ADAMTSL1: variants seen among roughly 807,000 people sequenced by gnomAD.
The protein encoded by ADAMTSL1 is ADAMTS-like protein 1.
ADAMTSL1 carries 126 observed loss-of-function variants against 201.8 expected under a neutral mutation model. That is an observed-to-expected ratio of 0.62 (90% confidence interval 0.54 to 0.72). The LOEUF (loss-of-function observed/expected upper bound fraction) is 0.72. Ranked by LOEUF, ADAMTSL1 falls within the 30% of genes least tolerant of loss-of-function variation. The pLI is 0.00. For synonymous variants in ADAMTSL1, 1,121 were observed against 903.4 expected (o/e 1.24, Z -4.32); for missense variants, 2,679 against 2,277.8 (o/e 1.18, Z -3.59).
chr9:18,626,392 G>A (rs889517825), intron 5 of ADAMTSL1, among the ~76,000 whole-genome samples: 1 of 152,180 alleles, frequency 6.6e-6, no homozygotes, highest in Non-Finnish European at 1.5e-5. Context: ...TCTAAGGGAA[G>A]TGAAAAGGGG....
chr9:18,753,553 G>A lies in ADAMTSL1; in HGVS notation c.2217+45G>A, dbSNP rs528203711. ...AATATTGGAGCTTTTGTTTGCAACAGTGACTCAAAAAAGGGATGCTCTCTC... is the reference window on the plus strand; with the variant it reads ...AATATTGGAGCTTTTGTTTGCAACAATGACTCAAAAAAGGGATGCTCTCTC... On this transcript the variant is annotated intron_variant, in intron 16 of 28. Coordinates refer to ENST00000380548, the MANE Select transcript of ADAMTSL1 (RefSeq NM_001040272.6). 5 of 1,565,278 alleles carry A rather than the reference G, an allele frequency of 3.2e-6. No homozygotes were observed. In the East Asian group the frequency reaches 1.2e-4, roughly 37 times the overall value.
At chr9:18,708,201 C>T (rs765566526) in intron 14 of ADAMTSL1, among the ~76,000 whole-genome samples, 13 of 152,124 alleles carry the variant, frequency 8.5e-5, no homozygotes, top group Admixed American at 3.9e-4. Context: ...TGATTGAGAA[C>T]GTAAGAATAA....
chr9:18,242,402 T>A (rs1831105881), intron 2 of ADAMTSL1, among the ~76,000 whole-genome samples: 1 of 152,100 alleles, frequency 6.6e-6, no homozygotes, highest in African/African-American at 2.4e-5. Flanking sequence ...ACCGCTAACA[T>A]TAGAATCAAT....
At chr9:18,104,545 C>A (rs190189626) in intron 1 of ADAMTSL1, among the ~76,000 whole-genome samples, 1 of 151,964 alleles carries the variant, frequency 6.6e-6, no homozygotes, top group Non-Finnish European at 1.5e-5. Flanking sequence ...AGTAGGTACA[C>A]GTGGACATAG....
chr9:18,533,147 G>A, intron 2 of ADAMTSL1, 100 bp from the exon 3 acceptor site: 1 of 800,414 alleles, frequency 1.2e-6, no homozygotes, highest in East Asian at 2.7e-5. Flanking sequence ...GAAAAGAGAG[G>A]CCCTTTTACT....
At chr9:18,161,910 A>C in intron 1 of ADAMTSL1, among the ~76,000 whole-genome samples, 1 of 152,056 alleles carries the variant, frequency 6.6e-6, no homozygotes, top group Non-Finnish European at 1.5e-5. Context: ...GTTAGTTCTT[A>C]TGAAACTCAG....
chr9:18,805,515 G>A (rs911394827), intron 20 of ADAMTSL1, among the ~76,000 whole-genome samples: 1 of 152,186 alleles, frequency 6.6e-6, no homozygotes, highest in Non-Finnish European at 1.5e-5. Flanking sequence ...GTGCTAAGCC[G>A]TTGTTCTTAC....
At chr9:18,173,971 T>C (rs1828022278) in intron 2 of ADAMTSL1, among the ~76,000 whole-genome samples, 1 of 152,174 alleles carries the variant, frequency 6.6e-6, no homozygotes, top group African/African-American at 2.4e-5. Context: ...TTAGAGTTAA[T>C]GTTAAACAAA....
intron 21 of ADAMTSL1, among the ~76,000 whole-genome samples, chr9:18,820,616 T>A (rs557077413): frequency 8.1e-4 from 124 of 152,372 alleles, no homozygotes; most frequent in Non-Finnish European, 1.2e-3. Flanking sequence ...TATTATGTAA[T>A]TTACCTAGAC....
intron 15 of ADAMTSL1, among the ~76,000 whole-genome samples, chr9:18,747,648 A>G (rs1459501338): frequency 6.6e-6 from 1 of 152,218 alleles, no homozygotes; most frequent in Non-Finnish European, 1.5e-5. Flanking sequence ...CAACTAGCAC[A>G]GAATCTGGCT....
chr9:18,278,974 A>G (rs564865108), intron 2 of ADAMTSL1, among the ~76,000 whole-genome samples: 113 of 151,764 alleles, frequency 7.4e-4, no homozygotes, highest in Non-Finnish European at 1.4e-3. Flanking sequence ...AAAACTTTGC[A>G]GTTGAGGCAT....
At chr9:18,262,808 T>A (rs1388365883) in intron 2 of ADAMTSL1, among the ~76,000 whole-genome samples, 1 of 152,204 alleles carries the variant, frequency 6.6e-6, no homozygotes, top group Non-Finnish European at 1.5e-5. Context: ...AGCAAGAGAC[T>A]ATATGGAATG....
chr9:18,239,965 A>T (rs935178686), intron 2 of ADAMTSL1, among the ~76,000 whole-genome samples: 1 of 152,172 alleles, frequency 6.6e-6, no homozygotes, highest in Non-Finnish European at 1.5e-5. Context: ...TTCTCCACTG[A>T]AGTCTTGATG....
chr9:18,137,289 A>T (rs2131989856), intron 1 of ADAMTSL1, among the ~76,000 whole-genome samples: 1 of 152,324 alleles, frequency 6.6e-6, no homozygotes, highest in South Asian at 2.1e-4. Flanking sequence ...AACAGATGAA[A>T]ATATAAATGA....
chr9:18,128,488 G>T (rs537832703), intron 1 of ADAMTSL1, among the ~76,000 whole-genome samples: 2 of 152,122 alleles, frequency 1.3e-5, no homozygotes, highest in South Asian at 4.2e-4. Flanking sequence ...TCAGTCTACC[G>T]AGTAGCTGGG....
chr9:18,503,997 T>C (rs1822989156), intron 1 of ADAMTSL1, among the ~76,000 whole-genome samples: 1 of 151,842 alleles, frequency 6.6e-6, no homozygotes, highest in Non-Finnish European at 1.5e-5. Context: ...TGTGTGTGTG[T>C]GTGTGTGTGC....
At chr9:18,446,452 A>AT (rs1306698775) in intron 2 of ADAMTSL1, among the ~76,000 whole-genome samples, 1 of 152,246 alleles carries the variant, frequency 6.6e-6, no homozygotes, top group African/African-American at 2.4e-5. Context: ...GGTTTTATTG[A>AT]TTTTAAAATC....
chr9:17,974,612 A>C (rs538388742), intron 1 of ADAMTSL1, among the ~76,000 whole-genome samples: 105 of 152,098 alleles, frequency 6.9e-4, no homozygotes, highest in African/African-American at 2.5e-3. Flanking sequence ...GAGATCATAC[A>C]GTATTTATCT....
rs1018983529 is a variant in ADAMTSL1, at chr9:18,853,821, C to A, written c.4249+23844C>A. Among the ~76,000 whole-genome samples, 3 of 151,542 alleles carry A rather than the reference C, an allele frequency of 2.0e-5. No individual in the cohort carries two copies. In the East Asian group the frequency reaches 5.8e-4, roughly 29 times the overall value. ...GATTTCACATGAAGGGGAGGAACAC[C>A]AAGCAAAGAGATAAGTTCCTGTTCT... is the stretch of plus-strand genomic sequence containing the variant. On this transcript the variant is annotated intron_variant, in intron 23 of 28. Transcript: ENST00000380548.
Sources: allele counts gnomAD v4.1 joint callset (sites outside exome capture counted in the v4.1 genomes callset), GRCh38; gene constraint gnomAD v4.1.1; transcripts MANE v1.5; gene names NCBI Gene and HGNC (gene_info 2026-07-23, HGNC 2026-07-21).